SPEF2: variants seen among roughly 807,000 people sequenced by gnomAD.
SPEF2 encodes sperm flagellar and cilia associated 2, also known as sperm flagella and cilia-associated protein 2.
SPEF2 carries 187 observed loss-of-function variants against 224.6 expected under a neutral mutation model. That is an observed-to-expected ratio of 0.83 (90% CI 0.74 to 0.94). The LOEUF (loss-of-function observed/expected upper bound fraction) is 0.94, where lower values mean the gene tolerates loss of function less well. Among genes scored for constraint, SPEF2 ranks in the 40% least tolerant of loss-of-function variants. The probability of loss-of-function intolerance (pLI) is 0.00; values close to 1 mark genes in which losing one functional copy is unlikely to be tolerated. For synonymous variants in SPEF2, 715 were observed against 707.3 expected (o/e 1.01, Z -0.17); for missense variants, 2,170 against 2,135.6 (o/e 1.02, Z -0.32).
At chr5:35,655,397 G>T (rs1748834385) in intron 7 of SPEF2, among the ~76,000 whole-genome samples, 1 of 152,164 alleles carries the variant, frequency 6.6e-6, no homozygotes, top group South Asian at 2.1e-4. Flanking sequence ...CCAGAGATAT[G>T]ACAGAGAGCA....
intron 34 of SPEF2, among the ~76,000 whole-genome samples, chr5:35,801,041 T>C (rs1757351033): frequency 6.6e-6 from 1 of 152,198 alleles, no homozygotes; most frequent in African/African-American, 2.4e-5. Context: ...CAGAAAGATC[T>C]CCTTCCCATT....
At chr5:35,726,519 G>A (rs1214029544) in intron 20 of SPEF2, among the ~76,000 whole-genome samples, 1 of 152,074 alleles carries the variant, frequency 6.6e-6, no homozygotes, top group Non-Finnish European at 1.5e-5. Context: ...AATAGATACT[G>A]TTTTTAAATA....
chr5:35,770,448 C>T (rs72738886), intron 26 of SPEF2, among the ~76,000 whole-genome samples: 9,523 of 152,150 alleles, frequency 0.063, 416 homozygotes, highest in Non-Finnish European at 0.098. Flanking sequence ...GTCATCAGAG[C>T]TTATTCCTCT....
intron 27 of SPEF2, among the ~76,000 whole-genome samples, chr5:35,773,202 A>C (rs1753113743): frequency 6.6e-6 from 1 of 151,710 alleles, no homozygotes; most frequent in African/African-American, 2.4e-5. Flanking sequence ...ACATGACAAA[A>C]CTCTGTCTTT....
chr5:35,620,845 A>C (rs1743403350), intron 1 of SPEF2, among the ~76,000 whole-genome samples: 1 of 152,212 alleles, frequency 6.6e-6, no homozygotes, highest in Non-Finnish European at 1.5e-5. Flanking sequence ...ATGAATATGG[A>C]CATTTATATG....
chr5:35,697,698 A>G lies in SPEF2; in HGVS notation c.2046A>G (p.Thr682=), dbSNP rs998237560. Reference sequence around the variant, plus strand: ...CTTGTTTATTTTCCCAGCTCACTACACGTGCTCAGCTTGGTGCAAAATCAG... The same window carrying G: ...CTTGTTTATTTTCCCAGCTCACTACGCGTGCTCAGCTTGGTGCAAAATCAG... ...KSSDSFLKLT[T]RAQLGAKSEQ... is the part of the protein sequence containing the mutation. The change falls in exon 15 of 37, where the codon ACA becomes ACG. Residue 682 remains threonine (T), a synonymous_variant. Transcript: ENST00000356031. 5 of 1,612,812 alleles carry G rather than the reference A, an allele frequency of 3.1e-6. No individual in the cohort carries two copies. The highest frequency in any genetic ancestry group is 4.2e-6 in the Non-Finnish European group (5 of 1,179,460).
intron 26 of SPEF2, among the ~76,000 whole-genome samples, chr5:35,767,230 A>G (rs1350026146): frequency 6.6e-6 from 1 of 152,004 alleles, no homozygotes; most frequent in Non-Finnish European, 1.5e-5. Flanking sequence ...TATAGATTTT[A>G]AATTGTGAAA....
rs2149480296 is a variant in SPEF2 at position 35,670,828 on chromosome 5, G to A, written c.1524+601G>A. 3 of 979,948 alleles carry A rather than the reference G, an allele frequency of 3.1e-6. No homozygotes were observed. In the East Asian group the frequency reaches 3.4e-4, roughly 110 times the overall value. 60.7% of individuals were successfully genotyped at this position (979,948 alleles called of 1,614,324 possible). ...ACCTTAGGTGACCAGTTCATTAAGG[G>A]CTAATAGATTTCCATTTTTCAATTA... On this transcript the variant is annotated intron_variant, in intron 10 of 36. Transcript: ENST00000356031.
chr5:35,743,299 A>G (rs1747972748), intron 23 of SPEF2, among the ~76,000 whole-genome samples: 1 of 152,102 alleles, frequency 6.6e-6, no homozygotes, highest in African/African-American at 2.4e-5. Flanking sequence ...ATTTGGAAAT[A>G]AAACATATTA....
intron 1 of SPEF2, among the ~76,000 whole-genome samples, chr5:35,623,233 C>T (rs1022810666): frequency 2.0e-5 from 3 of 152,166 alleles, no homozygotes; most frequent in Non-Finnish European, 2.9e-5. Flanking sequence ...GCTGTGAGTA[C>T]CCAGCCGGTT....
intron 2 of SPEF2, among the ~76,000 whole-genome samples, chr5:35,631,367 A>C (rs1328062701): frequency 1.3e-5 from 2 of 152,188 alleles, no homozygotes; most frequent in Admixed American, 1.3e-4. Flanking sequence ...ACACAGAGCC[A>C]AACCATATCA....
chr5:35,765,928 A>G (rs1309490271), intron 26 of SPEF2, among the ~76,000 whole-genome samples: 3 of 152,156 alleles, frequency 2.0e-5, no homozygotes, highest in African/African-American at 4.8e-5. Context: ...GAAAAATCAC[A>G]TTGACCAATT....
intron 25 of SPEF2, among the ~76,000 whole-genome samples, chr5:35,759,946 A>G (rs578226408): frequency 6.6e-6 from 1 of 152,302 alleles, no homozygotes; most frequent in African/African-American, 2.4e-5. Context: ...TTTGCTGCAG[A>G]GATAAAATGT....
At chr5:35,780,664 T>C (rs1025771109) in intron 30 of SPEF2, among the ~76,000 whole-genome samples, 4 of 152,286 alleles carry the variant, frequency 2.6e-5, no homozygotes, top group African/African-American at 9.6e-5. Flanking sequence ...CTCTTCAGAG[T>C]TGCTTTTTCT....
chr5:35,775,593 T>G (rs1753502492), intron 28 of SPEF2, among the ~76,000 whole-genome samples: 1 of 151,990 alleles, frequency 6.6e-6, no homozygotes, highest in Non-Finnish European at 1.5e-5. Context: ...TAGGGAAAAT[T>G]ATGAGCAGTA....
chr5:35,663,583 C>G (rs1217808991), intron 8 of SPEF2, among the ~76,000 whole-genome samples: 1 of 152,114 alleles, frequency 6.6e-6, no homozygotes, highest in African/African-American at 2.4e-5. Context: ...TTCTCTTCAT[C>G]GTGTCCATTT....
At chr5:35,786,733 T>C (rs951597662) in intron 30 of SPEF2, among the ~76,000 whole-genome samples, 10 of 152,174 alleles carry the variant, frequency 6.6e-5, no homozygotes, top group Non-Finnish European at 8.8e-5. Flanking sequence ...GGTCAACTAA[T>C]GTCAAGGTTT....
At position 35,659,063 on chromosome 5, in the gene SPEF2, G is replaced by T. The variant is rs1297375937; in HGVS notation, c.1023G>T (p.Gln341His). Residue 341 changes from glutamine (Q) to histidine (H), a missense_variant, in exon 8 of 37, where the codon CAG becomes CAT. Coordinates refer to ENST00000356031, the MANE Select transcript of SPEF2 (RefSeq NM_024867.4). ...AGCTGATTAACCGGCTGATGCGGCA[G>T]TCCCAGCAGGAGCGCAGGATTGCCG... ...EEQLINRLMR[Q>H]SQQERRIAVQ... The T allele has an allele frequency of 1.9e-6, 3 of 1,600,260 alleles. No individual in the cohort carries two copies. The highest frequency in any genetic ancestry group is 2.6e-6 in the Non-Finnish European group (3 of 1,171,076).
chr5:35,774,468 A>G (rs992049754), intron 28 of SPEF2, among the ~76,000 whole-genome samples: 1 of 152,174 alleles, frequency 6.6e-6, no homozygotes, highest in Non-Finnish European at 1.5e-5. Flanking sequence ...AAAGGCTAAC[A>G]GGCCCTGAAA....
Sources: allele counts gnomAD v4.1 joint callset (sites outside exome capture counted in the v4.1 genomes callset), GRCh38; gene constraint gnomAD v4.1.1; transcripts MANE v1.5; gene names NCBI Gene and HGNC (gene_info 2026-07-23, HGNC 2026-07-21).